Variants in HCN1 observed in about 807,000 individuals in gnomAD.
HCN1 encodes the protein potassium/sodium hyperpolarization-activated cyclic nucleotide-gated channel 1.
Under a neutral mutation model 78.9 loss-of-function variants are expected in HCN1, and 13 were observed. That is an observed-to-expected ratio of 0.16 (90% confidence interval 0.11 to 0.26). HCN1 has a LOEUF of 0.26. HCN1 is among the 10% of genes least tolerant of loss of function. The probability of loss-of-function intolerance (pLI) is 1.00; values close to 1 mark genes in which losing one functional copy is unlikely to be tolerated. For synonymous variants in HCN1, 552 were observed against 455.5 expected, an observed-to-expected ratio of 1.21 and a Z score of -2.70; for missense variants, 810 against 1,154.3, an observed-to-expected ratio of 0.70 and a Z score of 4.32.
rs532249006 is a variant in HCN1, at chr5:45,613,665, G to A, written c.849+31520C>T. Among the ~76,000 whole-genome samples, 9 of 152,052 alleles carry A rather than the reference G, an allele frequency of 5.9e-5. No individual in the cohort carries two copies. The South Asian group carries it at 1.0e-3, about 18-fold the overall frequency. Reference sequence around the variant, plus strand: ...TGCTGCTATAAAGACACATGCACACGTATGTTTATTGTGGCATTATTCACA... The same window carrying A: ...TGCTGCTATAAAGACACATGCACACATATGTTTATTGTGGCATTATTCACA... On this transcript the variant is annotated intron_variant, in intron 2 of 7. Transcript: ENST00000303230.
chr5:45,405,788 T>G (rs1739907142), intron 3 of HCN1, among the ~76,000 whole-genome samples: 1 of 152,102 alleles, frequency 6.6e-6, no homozygotes, highest in African/African-American at 2.4e-5. Flanking sequence ...TATAAGAGGG[T>G]TTAAACAGTT....
At chr5:45,676,144 T>C (rs2112081948) in intron 1 of HCN1, among the ~76,000 whole-genome samples, 1 of 151,944 alleles carries the variant, frequency 6.6e-6, no homozygotes, top group East Asian at 1.9e-4. Flanking sequence ...CTCATATTTA[T>C]TTTTGAGATA....
rs575186484 is a variant in HCN1, at chr5:45,343,971, T to A, written c.1377+9129A>T. ...TATCAATAATTAACAGGTGTATTAG[T>A]ATATTATAATGCTGTTAATAAAGAC... On this transcript the variant is annotated intron_variant, in intron 5 of 7. Coordinates refer to ENST00000303230, the MANE Select transcript of HCN1 (RefSeq NM_021072.4). 2.0e-5 allele frequency among the ~76,000 whole-genome samples: 3 copies of A among 152,262 alleles called. No homozygotes were observed. In the South Asian group the frequency reaches 6.2e-4, roughly 32 times the overall value.
chr5:45,640,794 C>T (rs1325679319), intron 2 of HCN1, among the ~76,000 whole-genome samples: 5 of 148,640 alleles, frequency 3.4e-5, no homozygotes, highest in Non-Finnish European at 7.4e-5. Context: ...AGGCTGGTCT[C>T]GAACTCCTGA....
chr5:45,687,743 CA>C (rs1739836173), intron 1 of HCN1, among the ~76,000 whole-genome samples: 1 of 152,118 alleles, frequency 6.6e-6, no homozygotes, highest in African/African-American at 2.4e-5. Flanking sequence ...CTTTCAGTTC[CA>C]TATTAACCAA....
intron 2 of HCN1, among the ~76,000 whole-genome samples, chr5:45,516,110 G>A (rs1053346268): frequency 6.6e-6 from 1 of 151,738 alleles, no homozygotes; most frequent in Admixed American, 6.6e-5. Context: ...ATTGTTTATT[G>A]TATCATTACA....
At chr5:45,364,501 A>G (rs963216352) in intron 4 of HCN1, among the ~76,000 whole-genome samples, 1 of 152,072 alleles carries the variant, frequency 6.6e-6, no homozygotes, top group South Asian at 2.1e-4. Context: ...CCCTTTAAAC[A>G]TCTACCCTTA....
At chr5:45,443,324 T>C (rs1740720815) in intron 3 of HCN1, among the ~76,000 whole-genome samples, 1 of 152,072 alleles carries the variant, frequency 6.6e-6, no homozygotes, top group Admixed American at 6.6e-5. Context: ...CTATTTGAAC[T>C]TTTGTACATC....
At chr5:45,689,879 T>C (rs1580051992) in intron 1 of HCN1, among the ~76,000 whole-genome samples, 1 of 152,234 alleles carries the variant, frequency 6.6e-6, no homozygotes, top group East Asian at 1.9e-4. Flanking sequence ...TTTTCTGTCC[T>C]AAAACAGCCT....
intron 2 of HCN1, among the ~76,000 whole-genome samples, chr5:45,462,964 T>C (rs771558288): frequency 3.9e-5 from 6 of 152,030 alleles, no homozygotes; most frequent in Non-Finnish European, 8.8e-5. Context: ...CAGACCTACA[T>C]TGTAGAACTA....
intron 1 of HCN1, among the ~76,000 whole-genome samples, chr5:45,646,052 A>G (rs187963078): frequency 6.6e-6 from 1 of 152,186 alleles, no homozygotes; most frequent in East Asian, 1.9e-4. Flanking sequence ...TAGATTAGAA[A>G]AAAAAACCCA....
chr5:45,414,078 T>G (rs1740073337), intron 3 of HCN1, among the ~76,000 whole-genome samples: 1 of 152,016 alleles, frequency 6.6e-6, no homozygotes, highest in South Asian at 2.1e-4. Context: ...AACAACAGTT[T>G]CAGAAAGCAA....
intron 5 of HCN1, among the ~76,000 whole-genome samples, chr5:45,321,702 C>T (rs534934470): frequency 6.6e-5 from 10 of 151,490 alleles, no homozygotes; most frequent in East Asian, 3.9e-4. Flanking sequence ...TACACACATA[C>T]GTATTTTTAT....
At chr5:45,277,563 T>TA (rs1479402051) in intron 6 of HCN1, among the ~76,000 whole-genome samples, 1 of 152,114 alleles carries the variant, frequency 6.6e-6, no homozygotes, top group Non-Finnish European at 1.5e-5. Flanking sequence ...AACTTTTGCA[T>TA]AAAAAAACTA....
At chr5:45,283,434 C>T (rs952902775) in intron 6 of HCN1, among the ~76,000 whole-genome samples, 2 of 151,996 alleles carry the variant, frequency 1.3e-5, no homozygotes, top group Admixed American at 1.3e-4. Flanking sequence ...GGAACTTAAA[C>T]AAATTTACAA....
chr5:45,538,151 C>A (rs545241062), intron 2 of HCN1, among the ~76,000 whole-genome samples: 94 of 152,112 alleles, frequency 6.2e-4, no homozygotes, highest in African/African-American at 2.2e-3. Context: ...CTTTCAAAAT[C>A]CAAATGAAAC....
chr5:45,306,912 T>C (rs13176769), intron 5 of HCN1, among the ~76,000 whole-genome samples: 1 of 152,116 alleles, frequency 6.6e-6, no homozygotes, highest in South Asian at 2.1e-4. Flanking sequence ...CTCCAGATTA[T>C]TAAGTTTATG....
At chr5:45,285,423 C>T (rs1745248029) in intron 6 of HCN1, among the ~76,000 whole-genome samples, 1 of 151,934 alleles carries the variant, frequency 6.6e-6, no homozygotes, top group Admixed American at 6.6e-5. Context: ...AGACGTCTCA[C>T]TTGGAAGCTG....
At position 45,371,166 on chromosome 5, in the gene HCN1, T is replaced by C. The variant is rs534037024; in HGVS notation, c.1231-17920A>G. ...AAGTTTATAACACCAAATGCCCACATTGAAAAGTTAGAAATATCTCAAATT... is the reference window on the plus strand; with the variant it reads ...AAGTTTATAACACCAAATGCCCACACTGAAAAGTTAGAAATATCTCAAATT... On this transcript the variant is annotated intron_variant, in intron 4 of 7. Transcript: ENST00000303230. Among the ~76,000 whole-genome samples, 48 of 152,064 alleles carry C rather than the reference T, an allele frequency of 3.2e-4. No homozygotes were observed. The East Asian group carries it at 3.5e-3, about 11-fold the overall frequency.
Sources: gnomAD v4.1 joint callset for allele counts (sites outside exome capture counted in the v4.1 genomes callset) on GRCh38, gnomAD v4.1.1 for gene constraint, MANE v1.5 for transcripts, NCBI Gene and HGNC (gene_info 2026-07-23, HGNC 2026-07-21) for gene names.